Variants in ROBO2 observed in about 807,000 individuals in gnomAD.
ROBO2 encodes the protein roundabout guidance receptor 2.
In ROBO2, 53 loss-of-function variants were observed where a neutral mutation model predicts 160.8. The observed-to-expected ratio is 0.33, with a 90% CI of 0.26 to 0.41. ROBO2 has a LOEUF of 0.41. ROBO2 is among the 10% of genes least tolerant of loss of function. ROBO2 has a pLI of 1.00. For missense variants in ROBO2, 1,577 were observed against 1,722.4 expected (o/e 0.92, Z 1.49); for synonymous variants, 664 against 611.7 (o/e 1.09, Z -1.26).
At chr3:75,922,474 C>T (rs1311800659) in intron 1 of ROBO2, among the ~76,000 whole-genome samples, 1 of 151,966 alleles carries the variant, frequency 6.6e-6, no homozygotes, top group Non-Finnish European at 1.5e-5. Context: ...TAATCAGCAG[C>T]AAGTGTTTGC....
At chr3:75,969,419 TG>T (rs1220444663) in intron 2 of ROBO2, among the ~76,000 whole-genome samples, 2 of 151,494 alleles carry the variant, frequency 1.3e-5, no homozygotes, top group Non-Finnish European at 3.0e-5. Flanking sequence ...TCAGTTCCTT[TG>T]GGTATGTACC....
chr3:77,078,461 C>G (rs913475654), intron 1 of ROBO2, among the ~76,000 whole-genome samples: 1 of 152,170 alleles, frequency 6.6e-6, no homozygotes, highest in African/African-American at 2.4e-5. Context: ...TTACACAACC[C>G]CTGAGACTGG....
At chr3:75,966,703 A>C (rs1949129333) in intron 2 of ROBO2, among the ~76,000 whole-genome samples, 1 of 151,676 alleles carries the variant, frequency 6.6e-6, no homozygotes, top group Non-Finnish European at 1.5e-5. Context: ...CAATAGCTAC[A>C]CATAACAGGC....
chr3:77,022,440 T>C (rs941751400), intron 2 of ROBO2, among the ~76,000 whole-genome samples: 4 of 152,178 alleles, frequency 2.6e-5, no homozygotes, highest in Non-Finnish European at 5.9e-5. Context: ...GTTGTAGTGT[T>C]CCGTTATAGC....
chr3:76,009,191 C>T (rs1217394172), intron 2 of ROBO2, among the ~76,000 whole-genome samples: 1 of 152,186 alleles, frequency 6.6e-6, no homozygotes, highest in Non-Finnish European at 1.5e-5. Flanking sequence ...CAAGCTCCGC[C>T]TCCCGGGTTC....
intron 2 of ROBO2, among the ~76,000 whole-genome samples, chr3:76,063,089 T>G (rs962056174): frequency 2.0e-5 from 3 of 152,192 alleles, no homozygotes; most frequent in African/African-American, 7.2e-5. Flanking sequence ...TATCAGCTCA[T>G]TTAAACAACT....
chr3:77,149,796 C>CTT (rs34729793), intron 2 of ROBO2, among the ~76,000 whole-genome samples: 23 of 146,642 alleles, frequency 1.6e-4, no homozygotes, highest in East Asian at 6.0e-4. Context: ...TCCTATTTTG[C>CTT]TTTTTTTTTT....
At chr3:76,314,330 A>G (rs2071818825) in intron 2 of ROBO2, among the ~76,000 whole-genome samples, 1 of 152,214 alleles carries the variant, frequency 6.6e-6, no homozygotes, top group Non-Finnish European at 1.5e-5. Flanking sequence ...TCACCATGAA[A>G]AAGTCTAAAA....
intron 2 of ROBO2, among the ~76,000 whole-genome samples, chr3:76,026,973 A>T (rs1329356654): frequency 6.6e-6 from 1 of 151,946 alleles, no homozygotes; most frequent in Admixed American, 6.6e-5. Flanking sequence ...CTGATTACAG[A>T]GATGTCTGAG....
chr3:76,852,342 A>G (rs746533069), intron 2 of ROBO2, among the ~76,000 whole-genome samples: 96 of 152,196 alleles, frequency 6.3e-4, no homozygotes, highest in Non-Finnish European at 1.1e-3. Flanking sequence ...TTCCCCAGAT[A>G]TTAAATAAAG....
chr3:76,124,470 A>G (rs905754207), intron 2 of ROBO2, among the ~76,000 whole-genome samples: 14 of 152,154 alleles, frequency 9.2e-5, no homozygotes, highest in Admixed American at 5.2e-4. Context: ...TATCTCACCC[A>G]TTAATTAGTG....
At chr3:77,327,436 G>A (rs1190438512) in intron 2 of ROBO2, among the ~76,000 whole-genome samples, 1 of 152,136 alleles carries the variant, frequency 6.6e-6, no homozygotes, top group Non-Finnish European at 1.5e-5. Context: ...ATTGTAGGGT[G>A]AGATTTTCTT....
In ROBO2 at chr3:76,960,036, G is replaced by T. The variant is rs180769795; in HGVS notation, c.110-137978G>T. ...TATTCTATGTTTGGTTTCAAAAACT[G>T]TCAGGAAGAATTGAGATTTGATATA... On this transcript the variant is annotated intron_variant, in intron 2 of 26. Transcript: ENST00000487694. Among the ~76,000 whole-genome samples, 8 of 151,764 alleles carry T rather than the reference G, an allele frequency of 5.3e-5. No homozygotes were observed. The East Asian group carries it at 1.5e-3, about 29-fold the overall frequency.
intron 2 of ROBO2, among the ~76,000 whole-genome samples, chr3:77,464,266 G>A (rs146520011): frequency 5.9e-4 from 90 of 152,300 alleles, no homozygotes; most frequent in Middle Eastern, 3.4e-3. Context: ...CTTTACCACA[G>A]TGCTGTGTTG....
intron 1 of ROBO2, among the ~76,000 whole-genome samples, chr3:77,067,028 T>TCACACACACACACACACACACA (rs144228628): frequency 3.7e-5 from 5 of 136,838 alleles, no homozygotes. Context: ...ACACACACAC[T>TCACACACACACACACACACACA]CACACACACA....
At chr3:76,968,594 CTG>C (rs1311714560) in intron 2 of ROBO2, among the ~76,000 whole-genome samples, 2 of 152,096 alleles carry the variant, frequency 1.3e-5, no homozygotes, top group Non-Finnish European at 2.9e-5. Context: ...ATGGTTCAAA[CTG>C]TGTTTCCTAG....
intron 1 of ROBO2, among the ~76,000 whole-genome samples, chr3:77,080,306 G>A (rs776552281): frequency 2.6e-5 from 4 of 152,164 alleles, no homozygotes; most frequent in Non-Finnish European, 4.4e-5. Context: ...CATCTGCTTG[G>A]TTAATTTTGA....
At chr3:77,409,240 A>C (rs1289161730) in intron 2 of ROBO2, among the ~76,000 whole-genome samples, 1 of 151,800 alleles carries the variant, frequency 6.6e-6, no homozygotes, top group African/African-American at 2.4e-5. Context: ...TAAAGCAGTT[A>C]ATATTTACAT....
intron 2 of ROBO2, among the ~76,000 whole-genome samples, chr3:76,759,924 C>G (rs1300643537): frequency 6.6e-6 from 1 of 151,800 alleles, no homozygotes; most frequent in African/African-American, 2.4e-5. Flanking sequence ...GCTGTCATAA[C>G]CAAGAATCTC....
Sources: gnomAD v4.1 joint callset for allele counts (sites outside exome capture counted in the v4.1 genomes callset) on GRCh38, gnomAD v4.1.1 for gene constraint, MANE v1.5 for transcripts, NCBI Gene and HGNC (gene_info 2026-07-23, HGNC 2026-07-21) for gene names.